NME7: variants seen among roughly 807,000 people sequenced by gnomAD.
NME7 encodes the protein NME/NM23 family member 7, also known as nucleoside diphosphate kinase 7.
A neutral mutation model predicts 49.1 loss-of-function variants in NME7; 41 were observed. That is an observed-to-expected ratio of 0.83 (90% CI 0.65 to 1.08). The LOEUF is 1.08. Ranked by LOEUF, NME7 falls within the 50% of genes least tolerant of loss-of-function variation. NME7 has a pLI of 0.00. For synonymous variants in NME7, 139 were observed against 150.6 expected (o/e 0.92, Z 0.56); for missense variants, 423 against 463.4 (o/e 0.91, Z 0.80).
chr1:169,251,443 A>G (rs1265542590), intron 7 of NME7, among the ~76,000 whole-genome samples: 2 of 151,726 alleles, frequency 1.3e-5, no homozygotes, highest in Non-Finnish European at 2.9e-5. Flanking sequence ...GCCAATCTGT[A>G]TCATTTAAGT....
At chr1:169,252,079 A>C (rs1163419771) in intron 7 of NME7, among the ~76,000 whole-genome samples, 9 of 149,394 alleles carry the variant, frequency 6.0e-5, no homozygotes, top group African/African-American at 9.9e-5. Context: ...TATACCCAGT[A>C]ATGGGATGGC....
At chr1:169,309,167 G>A (rs1325156718) in intron 4 of NME7, among the ~76,000 whole-genome samples, 1 of 152,008 alleles carries the variant, frequency 6.6e-6, no homozygotes, top group East Asian at 1.9e-4. Context: ...AGACTTCAGT[G>A]GTTATTTATG....
chr1:169,166,738 G>A (rs1017078517), intron 11 of NME7, among the ~76,000 whole-genome samples: 8 of 152,104 alleles, frequency 5.3e-5, no homozygotes, highest in Non-Finnish European at 8.8e-5. Context: ...AGAACTTTTC[G>A]AGGCTGAGGT....
intron 1 of NME7, among the ~76,000 whole-genome samples, chr1:169,347,651 A>G (rs1182847313): frequency 2.0e-5 from 3 of 152,210 alleles, no homozygotes; most frequent in Non-Finnish European, 4.4e-5. Flanking sequence ...ATAAGAGCCA[A>G]TGGCATAGAC....
intron 11 of NME7, among the ~76,000 whole-genome samples, chr1:169,146,133 A>G (rs1658741764): frequency 6.6e-6 from 1 of 152,140 alleles, no homozygotes; most frequent in South Asian, 2.1e-4. Flanking sequence ...TTCCCTATGT[A>G]TGTCCATGTG....
intron 1 of NME7, among the ~76,000 whole-genome samples, chr1:169,337,947 C>T (rs1205907048): frequency 6.6e-6 from 1 of 152,132 alleles, no homozygotes; most frequent in Non-Finnish European, 1.5e-5. Context: ...CCAGGTTGTT[C>T]ACAGAGACCT....
At chr1:169,147,903 A>T (rs1238272137) in intron 11 of NME7, among the ~76,000 whole-genome samples, 2 of 152,212 alleles carry the variant, frequency 1.3e-5, no homozygotes, top group Non-Finnish European at 2.9e-5. Flanking sequence ...GATTGTTATA[A>T]CTTCTTTCAC....
intron 8 of NME7, among the ~76,000 whole-genome samples, chr1:169,236,367 T>A (rs753112389): frequency 2.0e-5 from 3 of 152,104 alleles, no homozygotes; most frequent in Non-Finnish European, 2.9e-5. Context: ...CAGAAATAGA[T>A]CTTTCTGACT....
chr1:169,136,130 G>GAT (rs1658422464), intron 11 of NME7, among the ~76,000 whole-genome samples: 2 of 152,188 alleles, frequency 1.3e-5, no homozygotes, highest in East Asian at 3.9e-4. Context: ...GCCAGTGCCC[G>GAT]ATATAGTCAT....
At chr1:169,360,597 C>T (rs1217508810) in intron 1 of NME7, among the ~76,000 whole-genome samples, 8 of 152,154 alleles carry the variant, frequency 5.3e-5, no homozygotes, top group Admixed American at 5.2e-4. Flanking sequence ...CACACTATCT[C>T]CCTCCTGTTC....
intron 11 of NME7, among the ~76,000 whole-genome samples, chr1:169,143,273 C>CTTTTTTTTTTTTTTTTTTTTTTTTT (rs71299493): frequency 3.1e-5 from 3 of 98,208 alleles, no homozygotes; most frequent in Non-Finnish European, 4.2e-5. Flanking sequence ...TCACCTCAGG[C>CTTTTTTTTTTTTTTTTTTTTTTTTT]TTTTTTTTTT....
At chr1:169,340,857 G>T (rs961100097) in intron 1 of NME7, among the ~76,000 whole-genome samples, 1 of 152,202 alleles carries the variant, frequency 6.6e-6, no homozygotes, top group Admixed American at 6.5e-5. Flanking sequence ...AAGCAGAAAA[G>T]CATTCAAGAG....
At chr1:169,314,175 A>G (rs2101925391) in intron 3 of NME7, among the ~76,000 whole-genome samples, 1 of 152,150 alleles carries the variant, frequency 6.6e-6, no homozygotes. Flanking sequence ...GAGATAAAAG[A>G]AAGGATAAAA....
chr1:169,257,590 C>T (rs113415358), intron 7 of NME7, among the ~76,000 whole-genome samples: 4 of 133,984 alleles, frequency 3.0e-5, no homozygotes, highest in East Asian at 4.0e-4. Flanking sequence ...GGCTCCTCCC[C>T]CTCTGGTTTC....
intron 7 of NME7, among the ~76,000 whole-genome samples, chr1:169,279,335 C>G (rs947123079): frequency 9.8e-5 from 15 of 152,336 alleles, no homozygotes; most frequent in Middle Eastern, 3.4e-3. Flanking sequence ...CTGTGGTGGG[C>G]TCCACCCAGT....
At chr1:169,200,549 A>G (rs1571285698) in intron 10 of NME7, among the ~76,000 whole-genome samples, 1 of 152,010 alleles carries the variant, frequency 6.6e-6, no homozygotes, top group East Asian at 1.9e-4. Context: ...ATGCAAACCA[A>G]CCAGGTCAGA....
chr1:169,255,987 G>T lies in NME7; in HGVS notation c.755-18300C>A, dbSNP rs1245787276. ...GGTAACCCGACCTTTCTCTCTGGCTGCCCTTAACATTTTTACCTTCATTTC... is the reference window on the plus strand; with the variant it reads ...GGTAACCCGACCTTTCTCTCTGGCTTCCCTTAACATTTTTACCTTCATTTC... On this transcript the variant is annotated intron_variant, in intron 7 of 11. Coordinates refer to ENST00000367811, the MANE Select transcript of NME7 (RefSeq NM_013330.5). 1.5e-5 allele frequency among the ~76,000 whole-genome samples: 2 copies of T among 132,938 alleles called. 1 individual carries two copies. Among genetic ancestry groups the T allele is most frequent in the Admixed American group, 1.5e-4 (2 of 13,546 alleles). 87.2% of individuals were successfully genotyped at this position (132,938 alleles called of 152,430 possible).
intron 10 of NME7, among the ~76,000 whole-genome samples, chr1:169,212,084 A>G (rs1034159469): frequency 3.9e-5 from 6 of 152,162 alleles, no homozygotes; most frequent in African/African-American, 1.4e-4. Flanking sequence ...ACACACAGTT[A>G]TTCTGAAATC....
intron 10 of NME7, among the ~76,000 whole-genome samples, chr1:169,194,038 C>T (rs1182471739): frequency 6.6e-6 from 1 of 151,310 alleles, no homozygotes; most frequent in East Asian, 1.9e-4. Context: ...GATAAACATA[C>T]TGAAAAATAG....
Sources: allele counts gnomAD v4.1 joint callset (sites outside exome capture counted in the v4.1 genomes callset), GRCh38; gene constraint gnomAD v4.1.1; transcripts MANE v1.5; gene names NCBI Gene and HGNC (gene_info 2026-07-23, HGNC 2026-07-21).